Variants in BMP2K observed in about 807,000 individuals in gnomAD.
The protein encoded by BMP2K is BMP-2-inducible protein kinase.
In BMP2K, 74 loss-of-function variants were observed where a neutral mutation model predicts 116.0. The observed-to-expected ratio is 0.64, with a 90% CI of 0.53 to 0.77. BMP2K has a LOEUF of 0.77. Ranked by LOEUF, BMP2K falls within the 30% of genes least tolerant of loss-of-function variation. BMP2K has a pLI of 0.00. For missense variants in BMP2K, 1,365 were observed against 1,403.6 expected (o/e 0.97, Z 0.44); for synonymous variants, 486 against 502.5 (o/e 0.97, Z 0.44).
intron 9 of BMP2K, among the ~76,000 whole-genome samples, chr4:78,862,456 A>C (rs1335420276): frequency 6.6e-6 from 1 of 152,010 alleles, no homozygotes; most frequent in East Asian, 1.9e-4. Flanking sequence ...TGTGGAGTGA[A>C]ATTATAGCAG....
At chr4:78,779,704 G>T (rs1162167489) in intron 1 of BMP2K, among the ~76,000 whole-genome samples, 1 of 152,166 alleles carries the variant, frequency 6.6e-6, no homozygotes, top group Non-Finnish European at 1.5e-5. Context: ...ATATGTATAT[G>T]CACATATTAT....
intron 6 of BMP2K, among the ~76,000 whole-genome samples, chr4:78,847,694 A>G: frequency 6.6e-6 from 1 of 151,730 alleles, no homozygotes; most frequent in East Asian, 1.9e-4. Context: ...TAATTACAGT[A>G]TAAACATACC....
At chr4:78,889,001 C>T (rs1329093374) in intron 15 of BMP2K, among the ~76,000 whole-genome samples, 1 of 152,094 alleles carries the variant, frequency 6.6e-6, no homozygotes, top group Non-Finnish European at 1.5e-5. Flanking sequence ...GCAGGCGGAT[C>T]ATGAGGTCAG....
At chr4:78,840,861 G>A (rs1042141384) in intron 3 of BMP2K, among the ~76,000 whole-genome samples, 4 of 152,084 alleles carry the variant, frequency 2.6e-5, no homozygotes, top group African/African-American at 9.7e-5. Context: ...TGGAAGAGGT[G>A]GATTGAGTTC....
intron 1 of BMP2K, among the ~76,000 whole-genome samples, chr4:78,804,052 C>T (rs950245885): frequency 6.6e-6 from 1 of 152,154 alleles, no homozygotes; most frequent in African/African-American, 2.4e-5. Flanking sequence ...TGAAACACCA[C>T]CACTAATTCT....
intron 1 of BMP2K, among the ~76,000 whole-genome samples, chr4:78,803,352 T>A (rs1010165593): frequency 2.6e-5 from 4 of 152,298 alleles, no homozygotes; most frequent in Middle Eastern, 3.4e-3. Flanking sequence ...TTTTTAAAAA[T>A]TGCTATTAAA....
chr4:78,862,596 T>C (rs1045322536), intron 9 of BMP2K, among the ~76,000 whole-genome samples: 4 of 152,080 alleles, frequency 2.6e-5, no homozygotes, highest in African/African-American at 9.7e-5. Context: ...TTTGTTTATA[T>C]ATCATGCTGA....
At chr4:78,828,758 A>G (rs1730005926) in intron 2 of BMP2K, among the ~76,000 whole-genome samples, 2 of 152,252 alleles carry the variant, frequency 1.3e-5, no homozygotes, top group South Asian at 4.1e-4. Context: ...AAAAAATTGT[A>G]TATACTTTCA....
intron 15 of BMP2K, among the ~76,000 whole-genome samples, chr4:78,902,681 C>T (rs1405745175): frequency 6.6e-6 from 1 of 152,096 alleles, no homozygotes; most frequent in Non-Finnish European, 1.5e-5. Flanking sequence ...TTCCCTGACA[C>T]TGGAAGCTTC....
chr4:78,842,444 G>A lies in BMP2K; in HGVS notation c.463G>A (p.Val155Met). 2 of 1,608,876 alleles carry A rather than the reference G, an allele frequency of 1.2e-6. No homozygotes were observed. The highest frequency in any genetic ancestry group is 1.7e-6 in the Non-Finnish European group (2 of 1,176,318). The change falls in exon 4 of 16, where the codon GTG becomes ATG. Residue 155 changes from valine to methionine, a missense_variant. Val to Met is a conservative substitution (Grantham distance 21). Around this residue, in one of 3 missense-constraint regions of BMP2K, gnomAD observed 762 missense variants for 756.7 expected, o/e 1.01. Coordinates refer to ENST00000502613, the MANE Select transcript of BMP2K (RefSeq NM_198892.2). ...KLQTGFTEPE[V>M]LQIFCDTCEA... ...ACAGACGGGTTTTACAGAACCAGAA[G>A]TGTTACAGATATTCTGTGATACCTG...
intron 14 of BMP2K, among the ~76,000 whole-genome samples, chr4:78,884,574 T>A (rs1248258106): frequency 6.6e-6 from 1 of 152,226 alleles, no homozygotes; most frequent in East Asian, 1.9e-4. Context: ...GATATTGACA[T>A]GCTGTAGTTA....
chr4:78,850,397 G>T (rs1263584242), intron 6 of BMP2K, among the ~76,000 whole-genome samples: 6 of 151,734 alleles, frequency 4.0e-5, no homozygotes, highest in African/African-American at 1.4e-4. Context: ...GAAGTTGGAG[G>T]GTTATATCTA....
intron 7 of BMP2K, among the ~76,000 whole-genome samples, chr4:78,853,165 T>C (rs28565365): frequency 0.017 from 2,611 of 152,280 alleles, 41 homozygotes; most frequent in Non-Finnish European, 0.028. Flanking sequence ...GTTTTCGTAT[T>C]AGTTCCATTT....
intron 3 of BMP2K, among the ~76,000 whole-genome samples, chr4:78,838,408 G>A (rs953485573): frequency 2.0e-5 from 3 of 152,186 alleles, no homozygotes; most frequent in African/African-American, 4.8e-5. Flanking sequence ...TTACAGATCA[G>A]TTGCACCCTC....
chr4:78,777,186 C>T (rs1241057543), intron 1 of BMP2K, among the ~76,000 whole-genome samples: 3 of 152,126 alleles, frequency 2.0e-5, no homozygotes, highest in African/African-American at 7.2e-5. Flanking sequence ...TGCTGCAGCT[C>T]AGTCATCTGT....
At chr4:78,785,858 C>A (rs1332519478) in intron 1 of BMP2K, among the ~76,000 whole-genome samples, 1 of 152,138 alleles carries the variant, frequency 6.6e-6, no homozygotes, top group African/African-American at 2.4e-5. Context: ...CAAACCAATT[C>A]TTGTATTCCT....
chr4:78,848,314 A>G (rs1475955248), intron 6 of BMP2K, among the ~76,000 whole-genome samples: 3 of 151,664 alleles, frequency 2.0e-5, no homozygotes, highest in Non-Finnish European at 4.4e-5. Flanking sequence ...TCCAGCTTAC[A>G]TAACTCAAAT....
intron 15 of BMP2K, among the ~76,000 whole-genome samples, chr4:78,892,715 T>G (rs1485572969): frequency 6.6e-6 from 1 of 152,168 alleles, no homozygotes; most frequent in East Asian, 1.9e-4. Context: ...GGGACACACA[T>G]TTTTTTGTTT....
chr4:78,889,075 G>A (rs1733271640), intron 15 of BMP2K, among the ~76,000 whole-genome samples: 1 of 152,090 alleles, frequency 6.6e-6, no homozygotes, highest in Non-Finnish European at 1.5e-5. Context: ...CAAAAAATCA[G>A]CCAGGCGTGG....
Sources: gnomAD v4.1 joint callset for allele counts (sites outside exome capture counted in the v4.1 genomes callset) on GRCh38, gnomAD v4.1.1 for gene constraint, gnomAD v4.1.1 regional missense constraint, MANE v1.5 for transcripts, NCBI Gene and HGNC (gene_info 2026-07-23, HGNC 2026-07-21) for gene names.